TXNDC11: variants seen among roughly 807,000 people sequenced by gnomAD.
TXNDC11 encodes thioredoxin domain-containing protein 11.
In TXNDC11, 68 loss-of-function variants were observed where a neutral mutation model predicts 78.0. The ratio of observed to expected loss-of-function variants is 0.87; its 90% CI spans 0.72 to 1.07. The LOEUF (loss-of-function observed/expected upper bound fraction) is 1.07, where lower values mean the gene tolerates loss of function less well. Ranked by LOEUF, TXNDC11 falls within the 50% of genes least tolerant of loss-of-function variation. The pLI is 0.00. For missense variants in TXNDC11, 1,389 were observed against 1,221.8 expected, an observed-to-expected ratio of 1.14 and a Z score of -2.04; for synonymous variants, 571 against 495.2, an observed-to-expected ratio of 1.15 and a Z score of -2.03.
intron 7 of TXNDC11, among the ~76,000 whole-genome samples, chr16:11,692,484 G>A (rs2050748303): frequency 6.6e-6 from 1 of 151,856 alleles, no homozygotes; most frequent in African/African-American, 2.4e-5. Context: ...CCAAAGAGAA[G>A]CCAAAAATGC....
In TXNDC11 at chr16:11,731,131, G is replaced by A. The variant is rs561333609; in HGVS notation, c.570-357C>T. ...AGACAACCCTGGAAATTGACCACAT[G>A]CTAAGGGATTCCAGGATTTAACTAT... is the stretch of plus-strand genomic sequence containing the variant. On this transcript the variant is annotated intron_variant, in intron 3 of 11. Coordinates refer to ENST00000283033, the MANE Select transcript of TXNDC11 (RefSeq NM_015914.7). 5.9e-5 allele frequency among the ~76,000 whole-genome samples: 9 copies of A among 152,278 alleles called. 1 individual carries two copies. The South Asian group carries it at 1.2e-3, about 21-fold the overall frequency.
Position 11,691,478 on chromosome 16 carries a change from C to T in TXNDC11, c.1712G>A (p.Gly571Asp). Residue 571 changes from glycine (G) to aspartate (D), a missense_variant, in exon 8 of 12, where the codon GGC becomes GAC. Gly to Asp is a moderately conservative substitution (Grantham distance 94). Transcript: ENST00000283033. ...AGTCTTGTTGGTTCTGCAGCTCAGGCCTGTGAAGTTTGTGCTAGTCATGTC... is the reference window on the plus strand; with the variant it reads ...AGTCTTGTTGGTTCTGCAGCTCAGGTCTGTGAAGTTTGTGCTAGTCATGTC... ...EVDMTSTNFT[G>D]LSCRTNKTLN... 2 of 1,614,172 alleles carry T rather than the reference C, an allele frequency of 1.2e-6. No individual in the cohort carries two copies. Among genetic ancestry groups the T allele is most frequent in the Non-Finnish European group, 1.7e-6 (2 of 1,180,010 alleles).
At chr16:11,725,119 C>T (rs1162183602) in intron 4 of TXNDC11, among the ~76,000 whole-genome samples, 4 of 152,164 alleles carry the variant, frequency 2.6e-5, no homozygotes, top group Non-Finnish European at 5.9e-5. Context: ...CTGGCAAGTT[C>T]ATTTCAGTTT....
At chr16:11,695,413 C>A (rs569785642) in intron 7 of TXNDC11, among the ~76,000 whole-genome samples, 65 of 152,316 alleles carry the variant, frequency 4.3e-4, no homozygotes, top group African/African-American at 1.4e-3. Flanking sequence ...CTCAACAATG[C>A]AAGCATCCTC....
chr16:11,742,614 C>T lies in TXNDC11; in HGVS notation c.117G>A (p.Leu39=). Residue 39 remains leucine, a synonymous_variant, in exon 1 of 12, where the codon CTG becomes CTA. Transcript: ENST00000283033. ...GCCGGCCCGCCGAGGACGCTGTGGC[C>T]AGGGTCGGGCTCGAGCTGAGGCAGT... is the stretch of plus-strand genomic sequence containing the variant. ...GSDCLSSSPT[L]ATASSAGRLR... is the part of the protein sequence containing the mutation. The T allele has an allele frequency of 2.0e-6, 3 of 1,463,468 alleles. No individual in the cohort carries two copies. The highest frequency in any genetic ancestry group is 2.7e-6 in the Non-Finnish European group (3 of 1,114,020). 90.7% of individuals were successfully genotyped at this position (1,463,468 alleles called of 1,614,324 possible).
intron 3 of TXNDC11, among the ~76,000 whole-genome samples, chr16:11,733,570 T>C (rs1029628992): frequency 6.6e-6 from 1 of 152,246 alleles, no homozygotes; most frequent in East Asian, 1.9e-4. Context: ...GTACTTGTAG[T>C]AATTTTCTTC....
intron 5 of TXNDC11, among the ~76,000 whole-genome samples, chr16:11,700,967 C>T (rs1227299896): frequency 6.6e-6 from 1 of 152,076 alleles, no homozygotes; most frequent in Non-Finnish European, 1.5e-5. Context: ...CTTGACCACC[C>T]CACCTAACAG....
At chr16:11,738,315 T>C (rs2052287804) in intron 1 of TXNDC11, among the ~76,000 whole-genome samples, 1 of 152,250 alleles carries the variant, frequency 6.6e-6, no homozygotes, top group African/African-American at 2.4e-5. Context: ...TTTCAGTCTA[T>C]GCAGAATGCC....
At chr16:11,696,665 C>G (rs1224866373) in intron 7 of TXNDC11, among the ~76,000 whole-genome samples, 1 of 152,188 alleles carries the variant, frequency 6.6e-6, no homozygotes, top group Non-Finnish European at 1.5e-5. Flanking sequence ...AACGCACTCA[C>G]CTCACAGAGA....
intron 5 of TXNDC11, among the ~76,000 whole-genome samples, chr16:11,719,608 T>A (rs1305759840): frequency 6.6e-6 from 1 of 152,216 alleles, no homozygotes; most frequent in Non-Finnish European, 1.5e-5. Context: ...TTTTGGTTGA[T>A]CTCCTGGGGG....
At chr16:11,734,312 A>G (rs553709439) in intron 2 of TXNDC11, among the ~76,000 whole-genome samples, 35 of 152,352 alleles carry the variant, frequency 2.3e-4, no homozygotes, top group African/African-American at 8.2e-4. Flanking sequence ...CAATCTTACC[A>G]TGCAATACAG....
At chr16:11,719,560 A>T (rs1322870535) in intron 5 of TXNDC11, among the ~76,000 whole-genome samples, 1 of 152,252 alleles carries the variant, frequency 6.6e-6, no homozygotes, top group South Asian at 2.1e-4. Flanking sequence ...CTGTTTTAAT[A>T]TTCCAAAAAT....
chr16:11,742,850 T>A lies in TXNDC11; in HGVS notation c.-120A>T. 7.6e-7 allele frequency: 1 copy of A among 1,309,624 alleles called. No individual in the cohort carries two copies. The highest frequency in any genetic ancestry group is 9.7e-7 in the Non-Finnish European group (1 of 1,030,096). The allele number at this position is 1,309,624 out of a possible 1,614,324, so 81.1% of individuals were successfully genotyped here. ...CACCCGCTAACCCGGACGCTCCACGTCAGCCGCGCCGCCGCCGCGGGGTCC... is the reference window on the plus strand; with the variant it reads ...CACCCGCTAACCCGGACGCTCCACGACAGCCGCGCCGCCGCCGCGGGGTCC... On this transcript the variant is annotated 5_prime_UTR_variant, in exon 1 of 12. Transcript: ENST00000283033.
intron 6 of TXNDC11, among the ~76,000 whole-genome samples, chr16:11,698,605 C>T (rs140069397): frequency 1.1e-4 from 17 of 152,364 alleles, no homozygotes; most frequent in African/African-American, 4.1e-4. Context: ...ATTCTCCCTG[C>T]CAGCTGGTGG....
rs749070937 is a variant in TXNDC11, at chr16:11,730,715, C to G, written c.629G>C (p.Arg210Pro). 1 of 1,613,226 alleles carries G rather than the reference C, an allele frequency of 6.2e-7. No individual in the cohort carries two copies. Among genetic ancestry groups the G allele is most frequent in the Non-Finnish European group, 8.5e-7 (1 of 1,179,510 alleles). ...GTAGAGAAGTGGTTTCATCACCCGGCGGACAAACTTCTCAATGTAAACAGC... is the reference window on the plus strand; with the variant it reads ...GTAGAGAAGTGGTTTCATCACCCGGGGGACAAACTTCTCAATGTAAACAGC... ...MSAVYIEKFVRRVMKPLLYIP... is the reference protein window; with the variant it reads ...MSAVYIEKFVPRVMKPLLYIP... The change falls in exon 4 of 12, where the codon CGC (arginine) becomes CCC (proline). Residue 210 changes from arginine (R) to proline (P), a missense_variant. Coordinates refer to ENST00000283033, the MANE Select transcript of TXNDC11 (RefSeq NM_015914.7).
chr16:11,733,167 G>A (rs750654018), intron 3 of TXNDC11, among the ~76,000 whole-genome samples: 4 of 152,126 alleles, frequency 2.6e-5, no homozygotes, highest in Non-Finnish European at 5.9e-5. Flanking sequence ...TGAGGCAGGA[G>A]AACGGCTTGA....
intron 7 of TXNDC11, among the ~76,000 whole-genome samples, chr16:11,693,305 T>C (rs536209583): frequency 4.6e-5 from 7 of 152,324 alleles, no homozygotes; most frequent in Middle Eastern, 3.4e-3. Context: ...AAAAAGAATA[T>C]TTCGTTACCC....
Position 11,731,468 on chromosome 16 carries a change from G to A in TXNDC11, c.570-694C>T, listed in dbSNP as rs570047941. Among the ~76,000 whole-genome samples, 106 of 152,236 alleles carry A rather than the reference G, an allele frequency of 7.0e-4. No individual in the cohort carries two copies. The South Asian group carries it at 0.018, about 27-fold the overall frequency. On this transcript the variant is annotated intron_variant, in intron 3 of 11. Transcript: ENST00000283033. Reference sequence around the variant, plus strand: ...CTCCTAAGCTAATCAGAATTCTCACGTGCCTCTCTTCAGTCTCACACAATA... The same window carrying A: ...CTCCTAAGCTAATCAGAATTCTCACATGCCTCTCTTCAGTCTCACACAATA...
At chr16:11,684,500 G>A (rs1485654647) in intron 10 of TXNDC11, among the ~76,000 whole-genome samples, 1 of 152,280 alleles carries the variant, frequency 6.6e-6, no homozygotes, top group South Asian at 2.1e-4. Context: ...TGCAGAAAAT[G>A]CCGCACTGAC....
Sources: allele counts gnomAD v4.1 joint callset (sites outside exome capture counted in the v4.1 genomes callset), GRCh38; gene constraint gnomAD v4.1.1; transcripts MANE v1.5; gene names NCBI Gene and HGNC (gene_info 2026-07-23, HGNC 2026-07-21).